ANKH: variants seen among roughly 807,000 people sequenced by gnomAD.
ANKH encodes the protein mineralization regulator ANKH.
A neutral mutation model predicts 49.0 loss-of-function variants in ANKH; 15 were observed. That is an observed-to-expected ratio of 0.31 (90% CI 0.20 to 0.47). The LOEUF (loss-of-function observed/expected upper bound fraction) is 0.47, where lower values mean the gene tolerates loss of function less well. Among genes scored for constraint, ANKH ranks in the 20% least tolerant of loss-of-function variants. The pLI, the probability that ANKH is intolerant of heterozygous loss-of-function variation, is 1.00. For missense variants in ANKH, 429 were observed against 652.0 expected (o/e 0.66, Z 3.72); for synonymous variants, 273 against 260.0 (o/e 1.05, Z -0.48).
intron 6 of ANKH, among the ~76,000 whole-genome samples, 183 bp downstream of exon 6, chr5:14,748,989 A>G (rs183146976): frequency 6.6e-6 from 1 of 152,372 alleles, no homozygotes; most frequent in African/African-American, 2.4e-5. Context: ...CATAATCATA[A>G]AAATATACAA....
intron 9 of ANKH, among the ~76,000 whole-genome samples, chr5:14,716,347 G>C (rs1737457896): frequency 6.6e-6 from 1 of 152,154 alleles, no homozygotes; most frequent in South Asian, 2.1e-4. Context: ...ACAAAAATTA[G>C]TTGGGTATGG....
At chr5:14,804,188 G>A (rs1740639253) in intron 1 of ANKH, among the ~76,000 whole-genome samples, 1 of 152,198 alleles carries the variant, frequency 6.6e-6, no homozygotes, top group African/African-American at 2.4e-5. Flanking sequence ...GAGCCACCAT[G>A]CCCAGCTAGT....
chr5:14,729,378 G>T (rs1405636326), intron 8 of ANKH, among the ~76,000 whole-genome samples: 2 of 151,954 alleles, frequency 1.3e-5, no homozygotes, highest in East Asian at 1.9e-4. Flanking sequence ...AGTAGAGACG[G>T]GGTTTCACCA....
chr5:14,774,808 C>A (rs1739559809), intron 1 of ANKH, among the ~76,000 whole-genome samples: 1 of 152,068 alleles, frequency 6.6e-6, no homozygotes, highest in African/African-American at 2.4e-5. Flanking sequence ...ATCCCCAGAC[C>A]TACAACATGG....
chr5:14,759,587 C>CA (rs36077329), intron 2 of ANKH, among the ~76,000 whole-genome samples: 16,291 of 143,466 alleles, frequency 0.11, 1,124 homozygotes, highest in African/African-American at 0.2. Flanking sequence ...CTGTTTCTAG[C>CA]AAAAAAAAAA....
intron 1 of ANKH, among the ~76,000 whole-genome samples, chr5:14,860,576 G>A (rs1163060062): frequency 1.3e-5 from 2 of 152,068 alleles, no homozygotes; most frequent in East Asian, 3.9e-4. Context: ...CTATTAAAAT[G>A]CAAGACCCAG....
chr5:14,805,697 C>CAGTA (rs1174537849), intron 1 of ANKH, among the ~76,000 whole-genome samples: 1 of 151,912 alleles, frequency 6.6e-6, no homozygotes. Context: ...CCCTGTTAGA[C>CAGTA]AGTAGCTCAC....
chr5:14,718,843 A>C (rs1306972078), intron 8 of ANKH, among the ~76,000 whole-genome samples: 12 of 146,872 alleles, frequency 8.2e-5, no homozygotes, highest in African/African-American at 3.0e-4. Flanking sequence ...CCCCCCCAAA[A>C]AAAAAAGACA....
rs1055125011 is a variant in ANKH at position 14,705,611 on chromosome 5, C to G, written c.*5586G>C. The G allele has an allele frequency of 6.6e-6, 1 of 152,462 alleles. No individual in the cohort carries two copies. The highest frequency in any genetic ancestry group is 6.5e-5 in the Admixed American group (1 of 15,284). The allele number at this position is 152,462 out of a possible 1,614,324, so 9.4% of individuals were successfully genotyped here. A position where few individuals can be genotyped will look rare whatever the true frequency, so the allele number is the denominator to read the frequency against. On this transcript the variant is annotated 3_prime_UTR_variant, in exon 12 of 12. Coordinates refer to ENST00000284268, the MANE Select transcript of ANKH (RefSeq NM_054027.6). The stretch of plus-strand genomic sequence containing the variant: ...TTGATTAACTCCTTGGCCCTACTAG[C>G]TTTAGACAGTTCCCTGATCAGTACA...
At chr5:14,845,802 C>T (rs1363555427) in intron 1 of ANKH, among the ~76,000 whole-genome samples, 9 of 149,166 alleles carry the variant, frequency 6.0e-5, no homozygotes, top group Admixed American at 1.3e-4. Flanking sequence ...CAGATCACTA[C>T]GTCAGTACTG....
chr5:14,834,270 T>C (rs1741590934), intron 1 of ANKH, among the ~76,000 whole-genome samples: 1 of 152,046 alleles, frequency 6.6e-6, no homozygotes, highest in Non-Finnish European at 1.5e-5. Context: ...TGACAGGACC[T>C]GCGTCACAGG....
At chr5:14,716,131 A>T (rs890064142) in intron 9 of ANKH, among the ~76,000 whole-genome samples, 21 of 152,304 alleles carry the variant, frequency 1.4e-4, no homozygotes, top group African/African-American at 4.6e-4. Flanking sequence ...GGGCCGTTTT[A>T]TTGTCCCCAA....
At chr5:14,792,168 C>T (rs925617022) in intron 1 of ANKH, among the ~76,000 whole-genome samples, 6 of 152,022 alleles carry the variant, frequency 3.9e-5, no homozygotes, top group East Asian at 1.9e-4. Context: ...CTCAAGGAAG[C>T]GTGCATGGAG....
chr5:14,720,900 G>A (rs149591806), intron 8 of ANKH, among the ~76,000 whole-genome samples: 211 of 152,348 alleles, frequency 1.4e-3, no homozygotes, highest in African/African-American at 4.8e-3. Context: ...GTAATTGCAC[G>A]TCAGAGAGAA....
intron 9 of ANKH, 111 bp downstream of exon 9, chr5:14,716,595 C>T: frequency 6.8e-7 from 1 of 1,460,644 alleles, no homozygotes; most frequent in Non-Finnish European, 9.5e-7. Flanking sequence ...TTCTAAGCCA[C>T]AGTGAAATTT....
intron 8 of ANKH, among the ~76,000 whole-genome samples, chr5:14,732,627 C>T (rs1196916646): frequency 6.6e-6 from 1 of 152,126 alleles, no homozygotes. Flanking sequence ...CTGAGGAGAG[C>T]TGTCATTCTT....
At chr5:14,831,143 G>A (rs1358007451) in intron 1 of ANKH, among the ~76,000 whole-genome samples, 1 of 152,204 alleles carries the variant, frequency 6.6e-6, no homozygotes, top group Admixed American at 6.5e-5. Flanking sequence ...TTTCTACTGA[G>A]TGGGACTGTG....
intron 8 of ANKH, among the ~76,000 whole-genome samples, chr5:14,738,118 GA>G (rs1467706794): frequency 2.0e-5 from 3 of 152,196 alleles, no homozygotes; most frequent in Non-Finnish European, 4.4e-5. Context: ...TGCTGGATAA[GA>G]GTACAAGGGC....
intron 1 of ANKH, among the ~76,000 whole-genome samples, chr5:14,803,298 G>T (rs1740617116): frequency 1.3e-5 from 2 of 151,968 alleles, no homozygotes; most frequent in African/African-American, 4.8e-5. Context: ...TTTATTTTTT[G>T]AGAAAAAGTG....
Sources: allele counts gnomAD v4.1 joint callset (sites outside exome capture counted in the v4.1 genomes callset), GRCh38; gene constraint gnomAD v4.1.1; transcripts MANE v1.5; gene names NCBI Gene and HGNC (gene_info 2026-07-23, HGNC 2026-07-21).